The following CSMD1 variants were observed in gnomAD, a reference collection of about 807,000 sequenced individuals.
CSMD1 encodes the protein CUB and sushi domain-containing protein 1.
Under a neutral mutation model 417.5 loss-of-function variants are expected in CSMD1, and 213 were observed. That is an observed-to-expected ratio of 0.51 (90% CI 0.46 to 0.57). CSMD1 has a LOEUF of 0.57. CSMD1 is among the 20% of genes least tolerant of loss of function. The probability of loss-of-function intolerance (pLI) is 0.00; values close to 1 mark genes in which losing one functional copy is unlikely to be tolerated. For synonymous variants in CSMD1, 2,862 were observed against 1,736.8 expected (o/e 1.65, Z -16.11); for missense variants, 6,923 against 4,529.7 (o/e 1.53, Z -15.17).
chr8:4,705,665 C>T (rs1470822382), intron 1 of CSMD1, among the ~76,000 whole-genome samples: 2 of 152,174 alleles, frequency 1.3e-5, no homozygotes, highest in Admixed American at 6.5e-5. Flanking sequence ...GCCCTTGTAT[C>T]TCGTGTCATA....
chr8:3,663,456 T>G (rs921084560), intron 7 of CSMD1, among the ~76,000 whole-genome samples: 1 of 152,100 alleles, frequency 6.6e-6, no homozygotes, highest in African/African-American at 2.4e-5. Flanking sequence ...GACATCGATT[T>G]GATAGCCATA....
intron 8 of CSMD1, among the ~76,000 whole-genome samples, chr8:3,616,492 T>A (rs148842337): frequency 6.6e-6 from 1 of 152,312 alleles, no homozygotes; most frequent in East Asian, 1.9e-4. Flanking sequence ...TATGCCTTTA[T>A]TAGCAGTGTG....
At chr8:4,366,596 T>G (rs1170635663) in intron 3 of CSMD1, among the ~76,000 whole-genome samples, 1 of 152,188 alleles carries the variant, frequency 6.6e-6, no homozygotes, top group African/African-American at 2.4e-5. Context: ...ATCTGTTGTT[T>G]TTTTTGCTTT....
chr8:4,546,462 C>T (rs73182979), intron 2 of CSMD1, among the ~76,000 whole-genome samples: 28,400 of 152,092 alleles, frequency 0.19, 2,721 homozygotes, highest in Middle Eastern at 0.24. Flanking sequence ...TCCACGGGCA[C>T]CGACCAACCC....
At chr8:3,654,649 G>C (rs528087799) in intron 7 of CSMD1, among the ~76,000 whole-genome samples, 7 of 152,312 alleles carry the variant, frequency 4.6e-5, no homozygotes, top group East Asian at 1.9e-4. Context: ...AGGTGTGAGA[G>C]CTCCATTTGT....
intron 18 of CSMD1, among the ~76,000 whole-genome samples, chr8:3,380,568 G>C (rs920585383): frequency 6.6e-6 from 1 of 152,150 alleles, no homozygotes; most frequent in Admixed American, 6.6e-5. Context: ...CATAAAAAAG[G>C]ATGAGTTCAT....
intron 26 of CSMD1, among the ~76,000 whole-genome samples, chr8:3,241,384 A>G (rs1799507744): frequency 6.6e-6 from 1 of 151,994 alleles, no homozygotes; most frequent in African/African-American, 2.4e-5. Flanking sequence ...ATTGATTAAG[A>G]AGGGGACGGT....
chr8:4,242,587 A>T (rs1437965663), intron 3 of CSMD1, among the ~76,000 whole-genome samples: 2 of 152,156 alleles, frequency 1.3e-5, no homozygotes, highest in Non-Finnish European at 2.9e-5. Flanking sequence ...ATGTTAATGA[A>T]TGTATCTACA....
At chr8:4,500,881 G>A (rs930309972) in intron 2 of CSMD1, among the ~76,000 whole-genome samples, 29 of 152,206 alleles carry the variant, frequency 1.9e-4, no homozygotes, top group African/African-American at 5.3e-4. Flanking sequence ...CTTATTCCAC[G>A]TTCTCTGCAC....
At chr8:4,277,565 C>A (rs995825226) in intron 3 of CSMD1, among the ~76,000 whole-genome samples, 3 of 152,098 alleles carry the variant, frequency 2.0e-5, no homozygotes, top group Non-Finnish European at 2.9e-5. Flanking sequence ...ATGGATAGAG[C>A]TGCATGTCTA....
Position 4,078,774 on chromosome 8 carries a change from A to G in CSMD1, c.416-46675T>C, listed in dbSNP as rs112363652. Reference sequence around the variant, plus strand: ...TTTCAGGCCTGGCACACTGGCTTACACCTGTAATCCTAGCACTTTGGGAGG... The same window carrying G: ...TTTCAGGCCTGGCACACTGGCTTACGCCTGTAATCCTAGCACTTTGGGAGG... On this transcript the variant is annotated intron_variant, in intron 3 of 69. Coordinates refer to ENST00000635120, the MANE Select transcript of CSMD1 (RefSeq NM_033225.6). Among the ~76,000 whole-genome samples, 260 of 150,350 alleles carry G rather than the reference A, an allele frequency of 1.7e-3. 1 individual carries two copies. The highest frequency in any genetic ancestry group is 6.1e-3 in the African/African-American group (250 of 40,826).
At chr8:4,040,989 T>C (rs920995814) in intron 3 of CSMD1, among the ~76,000 whole-genome samples, 2 of 133,824 alleles carry the variant, frequency 1.5e-5, no homozygotes, top group African/African-American at 6.6e-5. Flanking sequence ...CGTGGTCCTA[T>C]ATTTTCTTTT....
intron 41 of CSMD1, among the ~76,000 whole-genome samples, chr8:3,124,592 A>G (rs1817389999): frequency 6.6e-6 from 1 of 152,050 alleles, no homozygotes; most frequent in Non-Finnish European, 1.5e-5. Context: ...AAGAGAGATG[A>G]CCTCTGCAGC....
At chr8:3,865,834 G>T (rs1230069290) in intron 5 of CSMD1, among the ~76,000 whole-genome samples, 1 of 151,982 alleles carries the variant, frequency 6.6e-6, no homozygotes, top group African/African-American at 2.4e-5. Context: ...TTCTCACATT[G>T]CTCCATTTGA....
intron 12 of CSMD1, among the ~76,000 whole-genome samples, chr8:3,463,711 G>A (rs188894276): frequency 1.3e-5 from 2 of 152,334 alleles, no homozygotes; most frequent in African/African-American, 4.8e-5. Context: ...AGACGGGCGA[G>A]ACTGGGCTGG....
chr8:4,283,690 T>C (rs1326994350), intron 3 of CSMD1, among the ~76,000 whole-genome samples: 1 of 152,090 alleles, frequency 6.6e-6, no homozygotes. Flanking sequence ...TCACTTAGGT[T>C]TTTGAGAAGC....
chr8:4,110,558 T>G (rs938502529), intron 3 of CSMD1, among the ~76,000 whole-genome samples: 9 of 152,186 alleles, frequency 5.9e-5, no homozygotes, highest in Admixed American at 1.3e-4. Context: ...TTTAAACAAT[T>G]TTCTGACTAG....
rs374747407 is a variant in CSMD1, at chr8:3,407,988, G to A, written c.1982C>T (p.Ser661Phe). Residue 661 changes from serine (S) to phenylalanine (F), a missense_variant, in exon 14 of 70, where the codon TCC becomes TTC. Coordinates refer to ENST00000635120, the MANE Select transcript of CSMD1 (RefSeq NM_033225.6). ...LGTFSGNEVP[S>F]QLASSGHIVR... ...TATATGCCCACTGCTGGCCAGCTGG[G>A]AAGGCACTTCATTGCCAGAAAAAGT... 17 of 1,613,778 alleles carry A rather than the reference G, an allele frequency of 1.1e-5. No homozygotes were observed. The highest frequency in any genetic ancestry group is 1.3e-5 in the Non-Finnish European group (15 of 1,179,870).
At chr8:4,363,430 G>T (rs1430990927) in intron 3 of CSMD1, among the ~76,000 whole-genome samples, 2 of 152,092 alleles carry the variant, frequency 1.3e-5, no homozygotes, top group Non-Finnish European at 2.9e-5. Context: ...TTTTATTCCT[G>T]CTCCCCTCAT....
Sources: gnomAD v4.1 joint callset for allele counts (sites outside exome capture counted in the v4.1 genomes callset) on GRCh38, gnomAD v4.1.1 for gene constraint, MANE v1.5 for transcripts, NCBI Gene and HGNC (gene_info 2026-07-23, HGNC 2026-07-21) for gene names.